The following C10orf90 variants were observed in gnomAD, a reference collection of about 807,000 sequenced individuals.
C10orf90 encodes (E2-independent) E3 ubiquitin-conjugating enzyme FATS.
In C10orf90, 56 loss-of-function variants were observed where a neutral mutation model predicts 62.5. That is an observed-to-expected ratio of 0.90 (90% CI 0.72 to 1.12). The LOEUF (loss-of-function observed/expected upper bound fraction) is 1.12, where lower values mean the gene tolerates loss of function less well. C10orf90 is among the 50% of genes most tolerant of loss of function. C10orf90 has a pLI of 0.00. For missense variants in C10orf90, 970 were observed against 880.4 expected (o/e 1.10, Z -1.29); for synonymous variants, 386 against 340.4 (o/e 1.13, Z -1.47).
intron 2 of C10orf90, among the ~76,000 whole-genome samples, chr10:126,642,234 T>C (rs1846072640): frequency 6.6e-6 from 1 of 152,130 alleles, no homozygotes; most frequent in South Asian, 2.1e-4. Context: ...CACTACGTAC[T>C]TCAATTTAAA....
At chr10:126,446,358 CAA>C (rs902701689) in intron 7 of C10orf90, among the ~76,000 whole-genome samples, 4 of 151,848 alleles carry the variant, frequency 2.6e-5, no homozygotes, top group Non-Finnish European at 4.4e-5. Flanking sequence ...AAATCAAAGA[CAA>C]AGAGAGAATC....
chr10:126,640,170 C>T (rs144377207), intron 2 of C10orf90, among the ~76,000 whole-genome samples: 6 of 152,332 alleles, frequency 3.9e-5, no homozygotes, highest in Admixed American at 6.5e-5. Context: ...CCGCTGTGCA[C>T]GGCAGGGTGA....
chr10:126,519,709 G>A (rs960511431), intron 2 of C10orf90, among the ~76,000 whole-genome samples: 2 of 152,120 alleles, frequency 1.3e-5, no homozygotes, highest in Non-Finnish European at 2.9e-5. Flanking sequence ...GTGATTTGGC[G>A]CTATTGACTA....
At chr10:126,662,093 T>TAAAA (rs10695373) in intron 1 of C10orf90, among the ~76,000 whole-genome samples, 40 of 148,822 alleles carry the variant, frequency 2.7e-4, no homozygotes, top group South Asian at 8.6e-4. Context: ...GTAGTCTTGT[T>TAAAA]AAAAAAAAAA....
At chr10:126,585,136 T>C (rs1235128485) in intron 2 of C10orf90, among the ~76,000 whole-genome samples, 1 of 149,016 alleles carries the variant, frequency 6.7e-6, no homozygotes, top group Non-Finnish European at 1.5e-5. Flanking sequence ...GCAAAGATAA[T>C]AAAAGTAAGA....
intron 2 of C10orf90, chr10:126,523,633 TTAAA>T (rs1360663370): frequency 2.0e-5 from 3 of 152,334 alleles, no homozygotes; most frequent in Admixed American, 2.0e-4. Flanking sequence ...TGCAGCGGTA[TTAAA>T]TACTTTCCTA....
chr10:126,556,212 A>G (rs1428782980), intron 2 of C10orf90, among the ~76,000 whole-genome samples: 1 of 152,214 alleles, frequency 6.6e-6, no homozygotes, highest in African/African-American at 2.4e-5. Context: ...CCCTCTATCA[A>G]GACAAAGAAA....
Position 126,505,011 on chromosome 10 carries a change from T to G in C10orf90, c.480A>C (p.Ser160=), listed in dbSNP as rs754170517. The change falls in exon 4 of 10, where the codon TCA becomes TCC. Residue 160 remains serine, a synonymous_variant. Transcript: ENST00000488181. The stretch of plus-strand genomic sequence containing the variant: ...GGGGCAAGGAGGCCCTGTTTTCTCT[T>G]GACTTATTCTCATCAATCATCTGGG... ...VISQMIDENK[S]RENRASLPLP... 2.5e-6 allele frequency: 4 copies of G among 1,614,104 alleles called. No homozygotes were observed. The African/African-American group carries it at 4.0e-5, about 16-fold the overall frequency.
chr10:126,487,152 A>G, intron 4 of C10orf90, among the ~76,000 whole-genome samples: 1 of 149,178 alleles, frequency 6.7e-6, no homozygotes, highest in Admixed American at 6.7e-5. Context: ...CAAAAAAAAA[A>G]AAAAAAAAAA....
At chr10:126,541,357 ATAAAT>A in intron 2 of C10orf90, among the ~76,000 whole-genome samples, 1 of 152,318 alleles carries the variant, frequency 6.6e-6, no homozygotes, top group South Asian at 2.1e-4. Context: ...TTTAAAGAAA[ATAAAT>A]TAAAATAACA....
chr10:126,571,766 A>C (rs1054928899), intron 2 of C10orf90, among the ~76,000 whole-genome samples: 9 of 152,132 alleles, frequency 5.9e-5, no homozygotes, highest in Non-Finnish European at 1.2e-4. Flanking sequence ...ACTGGAAATA[A>C]CATTGTCAGA....
At chr10:126,642,806 A>T (rs1846092393) in intron 2 of C10orf90, among the ~76,000 whole-genome samples, 1 of 152,096 alleles carries the variant, frequency 6.6e-6, no homozygotes, top group Admixed American at 6.5e-5. Flanking sequence ...ATGAGGTCAC[A>T]TTGACCTCTC....
Position 126,654,747 on chromosome 10 carries a change from TA to T in C10orf90, c.241-8111del, listed in dbSNP as rs376485650. Among the ~76,000 whole-genome samples the T allele has an allele frequency of 2.9e-3, 442 of 152,344 alleles. 3 individuals carry two copies. Among genetic ancestry groups the T allele is most frequent in the African/African-American group, 0.01 (425 of 41,586 alleles). On this transcript the variant is annotated intron_variant, in intron 1 of 9. Transcript: ENST00000488181. ...CTTCCTCACTAAGCTTAATCATTTCTAAACTAATCATTTCTAGGCATAATCA... is the reference window on the plus strand; with the variant it reads ...CTTCCTCACTAAGCTTAATCATTTCTAACTAATCATTTCTAGGCATAATCA...
At chr10:126,665,983 G>T (rs1366338844) in intron 1 of C10orf90, among the ~76,000 whole-genome samples, 3 of 152,152 alleles carry the variant, frequency 2.0e-5, no homozygotes, top group Non-Finnish European at 4.4e-5. Flanking sequence ...AGCAATTTAG[G>T]TTCCCGCCAG....
intron 4 of C10orf90, among the ~76,000 whole-genome samples, chr10:126,476,419 A>C (rs1860870348): frequency 6.6e-6 from 1 of 152,234 alleles, no homozygotes; most frequent in Non-Finnish European, 1.5e-5. Context: ...AGAGAAGCAC[A>C]TGCCACATGA....
At chr10:126,666,348 C>G (rs533485386) in intron 1 of C10orf90, among the ~76,000 whole-genome samples, 1 of 152,118 alleles carries the variant, frequency 6.6e-6, no homozygotes, top group Non-Finnish European at 1.5e-5. Context: ...AATAACTTAA[C>G]AAAATCAAAC....
At chr10:126,489,641 C>A (rs557541728) in intron 4 of C10orf90, among the ~76,000 whole-genome samples, 1 of 152,080 alleles carries the variant, frequency 6.6e-6, no homozygotes, top group African/African-American at 2.4e-5. Context: ...CCAAATGGAG[C>A]AACCACTATG....
rs144456530 is a variant in C10orf90, at chr10:126,667,788, A to G, written c.240+2453T>C. Among the ~76,000 whole-genome samples the G allele has an allele frequency of 4.2e-3, 635 of 152,304 alleles. 1 individual carries two copies. The highest frequency in any genetic ancestry group is 0.014 in the African/African-American group (598 of 41,568). ...CATCCCATCCTCCAGTTATGGCTAC[A>G]TTGATGTCTGAAATTCATCAAAAAC... On this transcript the variant is annotated intron_variant, in intron 1 of 9. Transcript: ENST00000488181.
At chr10:126,574,577 T>C (rs983731348) in intron 2 of C10orf90, among the ~76,000 whole-genome samples, 1 of 152,000 alleles carries the variant, frequency 6.6e-6, no homozygotes, top group African/African-American at 2.4e-5. Flanking sequence ...TAAAATCAAG[T>C]GGGATTTATT....
Sources: gnomAD v4.1 joint callset for allele counts (sites outside exome capture counted in the v4.1 genomes callset) on GRCh38, gnomAD v4.1.1 for gene constraint, MANE v1.5 for transcripts, NCBI Gene and HGNC (gene_info 2026-07-23, HGNC 2026-07-21) for gene names.